The following ASTN2 variants were observed in gnomAD, a reference collection of about 807,000 sequenced individuals.
ASTN2 encodes the protein astrotactin 2.
ASTN2 carries 54 observed loss-of-function variants against 139.8 expected under a neutral mutation model. The ratio of observed to expected loss-of-function variants is 0.39; its 90% CI spans 0.31 to 0.48. The LOEUF is 0.48. Among genes scored for constraint, ASTN2 ranks in the 20% least tolerant of loss-of-function variants. ASTN2 has a pLI of 0.95. For synonymous variants in ASTN2, 756 were observed against 719.5 expected, an observed-to-expected ratio of 1.05 and a Z score of -0.81; for missense variants, 1,565 against 1,725.1, an observed-to-expected ratio of 0.91 and a Z score of 1.64.
chr9:116,865,960 A>G lies in ASTN2; in HGVS notation c.1890-2227T>C, dbSNP rs566398943. Among the ~76,000 whole-genome samples the G allele has an allele frequency of 3.3e-5, 5 of 152,320 alleles. No individual in the cohort carries two copies. The South Asian group carries it at 1.0e-3, about 32-fold the overall frequency. On this transcript the variant is annotated intron_variant, in intron 10 of 22. Coordinates refer to ENST00000313400, the MANE Select transcript of ASTN2 (RefSeq NM_001365068.1). ...TAGGTGCTGGGGATACAGCAGTGAC[A>G]TCAGGCAAGATCCTGACTCCCAATC...
chr9:116,714,635 C>G (rs1160074042), intron 16 of ASTN2, among the ~76,000 whole-genome samples: 3 of 152,158 alleles, frequency 2.0e-5, no homozygotes, highest in Non-Finnish European at 2.9e-5. Context: ...AGTCACACAT[C>G]TAGAGAATGG....
At chr9:116,670,490 T>C (rs1328238663) in intron 16 of ASTN2, among the ~76,000 whole-genome samples, 1 of 152,232 alleles carries the variant, frequency 6.6e-6, no homozygotes, top group Non-Finnish European at 1.5e-5. Context: ...AATAACATTT[T>C]CCTATTCTTC....
intron 15 of ASTN2, among the ~76,000 whole-genome samples, chr9:116,727,658 AT>A (rs1828667339): frequency 6.6e-6 from 1 of 152,148 alleles, no homozygotes; most frequent in Non-Finnish European, 1.5e-5. Flanking sequence ...CTGTTAAGTA[AT>A]AAAAAACAAT....
intron 3 of ASTN2, among the ~76,000 whole-genome samples, chr9:117,182,041 G>A (rs960155356): frequency 2.0e-5 from 3 of 152,008 alleles, no homozygotes; most frequent in East Asian, 1.9e-4. Context: ...AGCTGTCAGG[G>A]GGCTGCCAAT....
intron 19 of ASTN2, chr9:116,612,989 G>A (rs1354912314): frequency 2.0e-5 from 3 of 151,050 alleles, no homozygotes; most frequent in African/African-American, 7.3e-5. Context: ...GACTCATAAA[G>A]AATAAAAGAG....
chr9:116,852,821 G>T (rs1264087608), intron 11 of ASTN2, among the ~76,000 whole-genome samples: 2 of 150,066 alleles, frequency 1.3e-5, no homozygotes, highest in Non-Finnish European at 3.0e-5. Context: ...TCCAAGCATA[G>T]CTCTTGTGCT....
chr9:117,068,845 G>C (rs1444182061), intron 5 of ASTN2, among the ~76,000 whole-genome samples: 1 of 129,066 alleles, frequency 7.7e-6, no homozygotes, highest in African/African-American at 2.8e-5. Flanking sequence ...CTGTGGGATC[G>C]GTGGTGATAT....
intron 20 of ASTN2, among the ~76,000 whole-genome samples, chr9:116,454,305 A>G (rs1237003747): frequency 6.6e-6 from 1 of 152,266 alleles, no homozygotes; most frequent in African/African-American, 2.4e-5. Flanking sequence ...CAGAGATATC[A>G]AAGTAGAAAT....
intron 7 of ASTN2, among the ~76,000 whole-genome samples, chr9:116,985,228 C>G (rs1389871893): frequency 6.6e-6 from 1 of 152,146 alleles, no homozygotes; most frequent in Non-Finnish European, 1.5e-5. Flanking sequence ...CTTGTTCTTC[C>G]CAAAGCACTG....
Position 116,508,170 on chromosome 9 carries a change from C to G in ASTN2, c.3356-20670G>C, listed in dbSNP as rs149683371. ...CCTCCCAAAGTGCTTGGATTACAGG[C>G]GTGAGCCACCACGCCCCGTAACAAC... On this transcript the variant is annotated intron_variant, in intron 19 of 22. Transcript: ENST00000313400. Among the ~76,000 whole-genome samples the G allele has an allele frequency of 2.6e-4, 39 of 152,288 alleles. No individual in the cohort carries two copies. In the East Asian group the frequency reaches 6.2e-3, roughly 24 times the overall value.
chr9:117,361,757 A>G (rs553710130), intron 1 of ASTN2, among the ~76,000 whole-genome samples: 1 of 152,290 alleles, frequency 6.6e-6, no homozygotes, highest in African/African-American at 2.4e-5. Context: ...ATCTATACCA[A>G]TCTCTAGGAC....
At chr9:117,151,284 C>A (rs1564451220) in intron 3 of ASTN2, among the ~76,000 whole-genome samples, 1 of 152,200 alleles carries the variant, frequency 6.6e-6, no homozygotes, top group Non-Finnish European at 1.5e-5. Context: ...GAATCAGAGT[C>A]ACTAGCCAAA....
At chr9:116,467,411 C>T (rs756964739) in intron 20 of ASTN2, among the ~76,000 whole-genome samples, 17 of 152,150 alleles carry the variant, frequency 1.1e-4, no homozygotes, top group Non-Finnish European at 1.8e-4. Context: ...GGACTACAGG[C>T]GCACGCCACC....
intron 16 of ASTN2, among the ~76,000 whole-genome samples, chr9:116,695,367 G>A (rs1860790748): frequency 6.6e-6 from 1 of 152,180 alleles, no homozygotes; most frequent in Non-Finnish European, 1.5e-5. Context: ...TTCCCTTGCA[G>A]TACAAAGGAA....
intron 1 of ASTN2, among the ~76,000 whole-genome samples, chr9:117,302,602 C>A (rs1247039786): frequency 1.3e-5 from 2 of 152,106 alleles, no homozygotes; most frequent in Middle Eastern, 3.2e-3. Flanking sequence ...CTTGTCAACC[C>A]CAACCCCCAC....
chr9:116,498,776 C>T (rs916951737), intron 19 of ASTN2, among the ~76,000 whole-genome samples: 2 of 152,152 alleles, frequency 1.3e-5, no homozygotes, highest in Non-Finnish European at 2.9e-5. Flanking sequence ...ACTTCTGATA[C>T]ATATGCCAAT....
chr9:116,468,231 C>G (rs1848709798), intron 20 of ASTN2, among the ~76,000 whole-genome samples: 1 of 151,656 alleles, frequency 6.6e-6, no homozygotes, highest in Non-Finnish European at 1.5e-5. Flanking sequence ...GCTTTCTTTC[C>G]TTTTTCAGAA....
intron 6 of ASTN2, among the ~76,000 whole-genome samples, chr9:117,010,878 C>T (rs1434166419): frequency 6.6e-6 from 1 of 152,164 alleles, no homozygotes; most frequent in East Asian, 1.9e-4. Context: ...TTTCTATCCT[C>T]ACATTGGCCA....
At chr9:116,952,272 A>G (rs1380252443) in intron 10 of ASTN2, among the ~76,000 whole-genome samples, 1 of 152,210 alleles carries the variant, frequency 6.6e-6, no homozygotes, top group Non-Finnish European at 1.5e-5. Flanking sequence ...TGACTAATCA[A>G]TTCTGGCATT....
Sources: gnomAD v4.1 joint callset for allele counts (sites outside exome capture counted in the v4.1 genomes callset) on GRCh38, gnomAD v4.1.1 for gene constraint, MANE v1.5 for transcripts, NCBI Gene and HGNC (gene_info 2026-07-23, HGNC 2026-07-21) for gene names.